RBFOX3: variants seen among roughly 807,000 people sequenced by gnomAD.
The protein encoded by RBFOX3 is RNA binding protein fox-1 homolog 3.
Under a neutral mutation model 48.7 loss-of-function variants are expected in RBFOX3, and 17 were observed. That is an observed-to-expected ratio of 0.35 (90% CI 0.24 to 0.52). RBFOX3 has a LOEUF of 0.52. RBFOX3 is among the 20% of genes least tolerant of loss of function. The pLI is 0.94. For missense variants in RBFOX3, 382 were observed against 497.5 expected, an observed-to-expected ratio of 0.77 and a Z score of 2.21; for synonymous variants, 212 against 209.5, an observed-to-expected ratio of 1.01 and a Z score of -0.10.
chr17:79,251,377 T>C (rs1172950422), intron 3 of RBFOX3, among the ~76,000 whole-genome samples: 3 of 152,134 alleles, frequency 2.0e-5, no homozygotes, highest in African/African-American at 7.2e-5. Flanking sequence ...CCTCCCAGTA[T>C]AGTCAATGGC....
At chr17:79,240,729 T>C (rs531057401) in intron 3 of RBFOX3, among the ~76,000 whole-genome samples, 104 of 152,318 alleles carry the variant, frequency 6.8e-4, no homozygotes, top group African/African-American at 2.4e-3. Flanking sequence ...AGTGGCACAA[T>C]CTCAGCTCAC....
intron 4 of RBFOX3, among the ~76,000 whole-genome samples, chr17:79,155,668 C>G (rs1426962743): frequency 6.6e-6 from 1 of 152,060 alleles, no homozygotes; most frequent in African/African-American, 2.4e-5. Flanking sequence ...ATGAGAACGA[C>G]CAACTCTCTG....
In RBFOX3 at chr17:79,418,612, G is replaced by C. The variant is rs114781396; in HGVS notation, c.-175+63842C>G. Among the ~76,000 whole-genome samples the C allele has an allele frequency of 0.012, 1,769 of 152,298 alleles. 35 individuals are homozygous for C. Among genetic ancestry groups the C allele is most frequent in the African/African-American group, 0.041 (1,686 of 41,568 alleles). On this transcript the variant is annotated intron_variant, in intron 2 of 14. Transcript: ENST00000693108. The surrounding 1 kb of genome is among the most constrained non-coding windows in gnomAD (Gnocchi z 5.0). The stretch of plus-strand genomic sequence containing the variant: ...CCAGCTCAGGGATGCTTCTTGGCAA[G>C]GAGGTCTGGGAGAAAATCAGGAAGT...
At chr17:79,402,900 G>A (rs2062996915) in intron 2 of RBFOX3, among the ~76,000 whole-genome samples, 1 of 152,146 alleles carries the variant, frequency 6.6e-6, no homozygotes, top group Admixed American at 6.5e-5. Flanking sequence ...CTGCCCCGAG[G>A]TTGCAGGTCA....
At chr17:79,217,320 G>C (rs544465052) in intron 4 of RBFOX3, among the ~76,000 whole-genome samples, 1 of 152,180 alleles carries the variant, frequency 6.6e-6, no homozygotes, top group Middle Eastern at 3.2e-3. Flanking sequence ...ATGTTCACTC[G>C]AGGATGGGAG....
chr17:79,095,705 C>T, intron 12 of RBFOX3, 131 bp from the exon 13 acceptor site: 1 of 746,608 alleles, frequency 1.3e-6, no homozygotes, highest in Non-Finnish European at 2.2e-6. Flanking sequence ...TCCCAGCCTC[C>T]CAGCCTCGGC....
chr17:79,297,143 C>T (rs574094282), intron 3 of RBFOX3, among the ~76,000 whole-genome samples: 107 of 152,172 alleles, frequency 7.0e-4, no homozygotes, highest in African/African-American at 1.9e-3. Context: ...TTGGCAGAGC[C>T]TCCTCTTCTC....
chr17:79,297,928 C>T (rs1004411989), intron 3 of RBFOX3, among the ~76,000 whole-genome samples: 1 of 152,250 alleles, frequency 6.6e-6, no homozygotes, highest in African/African-American at 2.4e-5. Flanking sequence ...GAATTACCAA[C>T]AACGCGTGTG....
chr17:79,515,164 C>T (rs1187315070), intron 1 of RBFOX3, among the ~76,000 whole-genome samples: 3 of 152,194 alleles, frequency 2.0e-5, no homozygotes, highest in African/African-American at 7.2e-5. Context: ...AAGACCCTTT[C>T]CGGAGGAGCA....
At chr17:79,128,699 C>A (rs534373270) in intron 4 of RBFOX3, among the ~76,000 whole-genome samples, 94 of 152,300 alleles carry the variant, frequency 6.2e-4, no homozygotes, top group African/African-American at 2.2e-3. Context: ...GCCTGGGAGC[C>A]GGGGCTGCCT....
intron 1 of RBFOX3, among the ~76,000 whole-genome samples, chr17:79,536,437 G>A (rs1270499105): frequency 1.3e-5 from 2 of 152,244 alleles, no homozygotes; most frequent in African/African-American, 4.8e-5. Flanking sequence ...CTGGTTATGT[G>A]TGTTCCAGTA....
intron 1 of RBFOX3, among the ~76,000 whole-genome samples, chr17:79,605,683 C>T (rs2093812855): frequency 6.6e-6 from 1 of 152,238 alleles, no homozygotes; most frequent in African/African-American, 2.4e-5. Flanking sequence ...ATATATTCTT[C>T]CTCTTTCTTT....
intron 2 of RBFOX3, among the ~76,000 whole-genome samples, chr17:79,475,835 C>G (rs938851085): frequency 6.6e-6 from 1 of 152,180 alleles, no homozygotes; most frequent in African/African-American, 2.4e-5. Context: ...GCCCCCAGAG[C>G]CAGGAGAAAG....
chr17:79,298,081 T>C (rs2074691208), intron 3 of RBFOX3: 1 of 152,138 alleles, frequency 6.6e-6, no homozygotes, highest in Non-Finnish European at 1.5e-5. Flanking sequence ...AAGGTAGATA[T>C]GAGCCAGTTC....
At position 79,262,454 on chromosome 17, in the gene RBFOX3, C is replaced by T. The variant is rs566700636; in HGVS notation, c.-73-26649G>A. 6.6e-5 allele frequency among the ~76,000 whole-genome samples: 10 copies of T among 152,384 alleles called. No homozygotes were observed. In the South Asian group the frequency reaches 1.4e-3, roughly 22 times the overall value. ...ATTTCTCTGTGAATTCCACCTCGGT[C>T]GTTCTCCTTTGAAGAACAATCGATG... On this transcript the variant is annotated intron_variant, in intron 3 of 14. Coordinates refer to ENST00000693108, the MANE Select transcript of RBFOX3 (RefSeq NM_001350451.2).
chr17:79,601,440 A>AC (rs1178814324), intron 1 of RBFOX3: 1 of 152,266 alleles, frequency 6.6e-6, no homozygotes. Context: ...GCTCCAAAGC[A>AC]CGCCCCCTTC....
At chr17:79,266,245 G>A (rs1391541518) in intron 3 of RBFOX3, among the ~76,000 whole-genome samples, 2 of 152,104 alleles carry the variant, frequency 1.3e-5, no homozygotes, top group Non-Finnish European at 2.9e-5. Flanking sequence ...GCTGATGTGG[G>A]AGCCTGGACT....
At chr17:79,094,765 C>A (rs895990824) in intron 13 of RBFOX3, among the ~76,000 whole-genome samples, 5 of 136,484 alleles carry the variant, frequency 3.7e-5, no homozygotes, top group African/African-American at 1.4e-4. Flanking sequence ...AGTGTGCTGA[C>A]CCTGACGGGG....
chr17:79,183,915 C>A (rs763319678), intron 4 of RBFOX3, among the ~76,000 whole-genome samples: 1 of 152,240 alleles, frequency 6.6e-6, no homozygotes, highest in African/African-American at 2.4e-5. Flanking sequence ...CCTCCTCCCC[C>A]CCGTTGCCAG....
Sources: allele counts gnomAD v4.1 joint callset (sites outside exome capture counted in the v4.1 genomes callset), GRCh38; gene constraint gnomAD v4.1.1; non-coding constraint Gnocchi (gnomAD v3.1); transcripts MANE v1.5; gene names NCBI Gene and HGNC (gene_info 2026-07-23, HGNC 2026-07-21).